ARFGEF3: variants seen among roughly 807,000 people sequenced by gnomAD.
The protein encoded by ARFGEF3 is brefeldin A-inhibited guanine nucleotide-exchange protein 3.
Under a neutral mutation model 221.7 loss-of-function variants are expected in ARFGEF3, and 96 were observed. The observed-to-expected ratio is 0.43, with a 90% CI of 0.37 to 0.51. ARFGEF3 has a LOEUF of 0.51. ARFGEF3 is among the 20% of genes least tolerant of loss of function. The pLI is 0.00. For synonymous variants in ARFGEF3, 1,145 were observed against 1,126.8 expected (o/e 1.02, Z -0.32); for missense variants, 2,410 against 2,789.9 (o/e 0.86, Z 3.07).
At chr6:138,282,905 G>C (rs1779223181) in intron 14 of ARFGEF3, among the ~76,000 whole-genome samples, 1 of 152,088 alleles carries the variant, frequency 6.6e-6, no homozygotes, top group African/African-American at 2.4e-5. Flanking sequence ...ACAAAAATTA[G>C]CTGAGCATGT....
intron 6 of ARFGEF3, 126 bp downstream of exon 6, chr6:138,238,757 CAG>C: frequency 1.2e-6 from 1 of 839,832 alleles, no homozygotes. Context: ...CTTGTTTTAA[CAG>C]AACATTTATT....
chr6:138,218,904 A>G (rs1399579966), intron 4 of ARFGEF3, among the ~76,000 whole-genome samples: 4 of 152,234 alleles, frequency 2.6e-5, no homozygotes, highest in African/African-American at 9.6e-5. Context: ...TAAACTTGAA[A>G]AAATAAGTCG....
At chr6:138,170,769 C>T in intron 2 of ARFGEF3, 56 bp downstream of exon 2, 1 of 973,384 alleles carries the variant, frequency 1.0e-6, no homozygotes, top group Non-Finnish European at 1.7e-6. Context: ...ACTGAAGGCC[C>T]AGATAACCAC....
At chr6:138,209,604 C>G in intron 3 of ARFGEF3, among the ~76,000 whole-genome samples, 1 of 152,086 alleles carries the variant, frequency 6.6e-6, no homozygotes, top group Admixed American at 6.5e-5. Flanking sequence ...CACCCGCCAC[C>G]ACGCCTGGCT....
At chr6:138,234,242 G>A (rs1053249040) in intron 5 of ARFGEF3, among the ~76,000 whole-genome samples, 1 of 152,300 alleles carries the variant, frequency 6.6e-6, no homozygotes, top group Non-Finnish European at 1.5e-5. Context: ...GAAGGTGCAC[G>A]AATCGATGGG....
At chr6:138,244,901 T>C (rs1445412722) in intron 7 of ARFGEF3, among the ~76,000 whole-genome samples, 3 of 152,212 alleles carry the variant, frequency 2.0e-5, no homozygotes, top group African/African-American at 7.2e-5. Context: ...TCCATCAAGA[T>C]GTTTTTGAAA....
chr6:138,263,480 A>G lies in ARFGEF3; in HGVS notation c.1997A>G (p.Gln666Arg). The G allele has an allele frequency of 6.2e-7, 1 of 1,613,938 alleles. No individual in the cohort carries two copies. Among genetic ancestry groups the G allele is most frequent in the South Asian group, 1.1e-5 (1 of 91,086 alleles). Reference sequence around the variant, plus strand: ...CTGTCTCTAAAACTGCTGAAGAACCAGGAGGCGGATCAGCACAGCGCCAGG... The same window carrying G: ...CTGTCTCTAAAACTGCTGAAGAACCGGGAGGCGGATCAGCACAGCGCCAGG... The part of the protein sequence containing the change: ...AALSLKLLKN[Q>R]EADQHSARLF... Residue 666 changes from glutamine to arginine, a missense_variant, in exon 12 of 34, where the codon CAG (glutamine) becomes CGG (arginine). Physicochemically the swap from Gln to Arg is conservative, Grantham distance 43. Coordinates refer to ENST00000251691, the MANE Select transcript of ARFGEF3 (RefSeq NM_020340.5).
At chr6:138,166,935 G>A (rs572953416) in intron 1 of ARFGEF3, among the ~76,000 whole-genome samples, 9 of 152,328 alleles carry the variant, frequency 5.9e-5, no homozygotes, top group East Asian at 1.9e-4. Context: ...CTTAAAAAGT[G>A]TAGAAATTGT....
chr6:138,268,206 C>G (rs1177587375), intron 12 of ARFGEF3, among the ~76,000 whole-genome samples: 1 of 152,188 alleles, frequency 6.6e-6, no homozygotes, highest in African/African-American at 2.4e-5. Context: ...TTATGCTCCA[C>G]TGAGACAGGG....
chr6:138,301,212 A>C (rs900278581), intron 22 of ARFGEF3, among the ~76,000 whole-genome samples: 1 of 152,228 alleles, frequency 6.6e-6, no homozygotes, highest in Non-Finnish European at 1.5e-5. Flanking sequence ...GGACAGGACA[A>C]AATTGTCCAA....
chr6:138,338,161 A>G lies in ARFGEF3; in HGVS notation c.*1675A>G, dbSNP rs1299405113. ...TGCCTTCAGTTTTTACTCACTAGACAATAATTCAAGTTTAGAAACAGGTAA... is the reference window on the plus strand; with the variant it reads ...TGCCTTCAGTTTTTACTCACTAGACGATAATTCAAGTTTAGAAACAGGTAA... On this transcript the variant is annotated 3_prime_UTR_variant, in exon 34 of 34. Coordinates refer to ENST00000251691, the MANE Select transcript of ARFGEF3 (RefSeq NM_020340.5). The G allele has an allele frequency of 2.0e-5, 3 of 152,276 alleles. No homozygotes were observed. The highest frequency in any genetic ancestry group is 4.4e-5 in the Non-Finnish European group (3 of 68,056). 9.4% of individuals were successfully genotyped at this position (152,276 alleles called of 1,614,324 possible). A position where few individuals can be genotyped will look rare whatever the true frequency, so the allele number is the denominator to read the frequency against.
rs756033148 is a variant in ARFGEF3 at position 138,262,671 on chromosome 6, A to G, written c.1218-30A>G. On this transcript the variant is annotated intron_variant, in intron 11 of 33. Transcript: ENST00000251691. The stretch of plus-strand genomic sequence containing the variant: ...GATATTTTCTACATTTTATGCATTT[A>G]TTCCATTTTCTCTTTTGAACACTGT... The G allele has an allele frequency of 6.4e-6, 10 of 1,556,450 alleles. No homozygotes were observed. In the East Asian group the frequency reaches 2.0e-4, roughly 32 times the overall value.
intron 2 of ARFGEF3, among the ~76,000 whole-genome samples, chr6:138,183,024 A>G (rs1177837365): frequency 6.6e-6 from 1 of 152,090 alleles, no homozygotes; most frequent in African/African-American, 2.4e-5. Context: ...TTCTGTATTT[A>G]CCAGCTGGGA....
chr6:138,307,453 CATGCTATTAAAAAA>C, intron 23 of ARFGEF3, 56 bp downstream of exon 23: 1 of 1,501,718 alleles, frequency 6.7e-7, no homozygotes, highest in Non-Finnish European at 9.1e-7. Flanking sequence ...TGCCAAGTTT[CATGCTATTAAAAAA>C]AAAAAATTGA....
chr6:138,179,129 TG>T (rs1239815360), intron 2 of ARFGEF3, among the ~76,000 whole-genome samples: 2 of 152,226 alleles, frequency 1.3e-5, no homozygotes, highest in Non-Finnish European at 2.9e-5. Context: ...GAATTTGACT[TG>T]GAGTATTTAT....
chr6:138,206,291 A>G (rs115801530), intron 2 of ARFGEF3, among the ~76,000 whole-genome samples: 196 of 150,208 alleles, frequency 1.3e-3, no homozygotes, highest in African/African-American at 4.6e-3. Context: ...TATTCCTAAA[A>G]TATTTTAATG....
chr6:138,307,163 A>G (rs1183019000), intron 22 of ARFGEF3, 90 bp from the exon 23 acceptor site: 11 of 1,354,904 alleles, frequency 8.1e-6, no homozygotes, highest in African/African-American at 2.9e-5. Context: ...TAACTCCAAA[A>G]TAGGGGACAG....
At chr6:138,233,615 G>T (rs890507423) in intron 5 of ARFGEF3, among the ~76,000 whole-genome samples, 1 of 152,120 alleles carries the variant, frequency 6.6e-6, no homozygotes, top group African/African-American at 2.4e-5. Context: ...CTGACCTCGT[G>T]ATCCACCCGC....
intron 14 of ARFGEF3, among the ~76,000 whole-genome samples, chr6:138,283,566 T>C (rs1039974667): frequency 6.6e-6 from 1 of 152,222 alleles, no homozygotes; most frequent in Non-Finnish European, 1.5e-5. Flanking sequence ...ACCTAGAGTT[T>C]GGAGACTTCT....
Sources: gnomAD v4.1 joint callset for allele counts (sites outside exome capture counted in the v4.1 genomes callset) on GRCh38, gnomAD v4.1.1 for gene constraint, MANE v1.5 for transcripts, NCBI Gene and HGNC (gene_info 2026-07-23, HGNC 2026-07-21) for gene names.